The following PBDC1 variants were observed in gnomAD, a reference collection of about 807,000 sequenced individuals.
PBDC1 encodes the protein protein PBDC1.
Under a neutral mutation model 12.0 loss-of-function variants are expected in PBDC1, and 3 were observed. The ratio of observed to expected loss-of-function variants is 0.25; its 90% CI spans 0.11 to 0.64. The LOEUF is 0.64. Ranked by LOEUF, PBDC1 falls within the 30% of genes least tolerant of loss-of-function variation. The probability of loss-of-function intolerance (pLI) is 0.84; values close to 1 mark genes in which losing one functional copy is unlikely to be tolerated. For synonymous variants in PBDC1, 64 were observed against 56.4 expected, an observed-to-expected ratio of 1.13 and a Z score of -0.60; for missense variants, 162 against 168.1, an observed-to-expected ratio of 0.96 and a Z score of 0.20.
At chrX:76,175,900 A>T (rs1924777337) in intron 4 of PBDC1, among the ~76,000 whole-genome samples, 1 of 111,277 alleles carries the variant, frequency 9.0e-6, no homozygotes, top group African/African-American at 3.3e-5. Context: ...TAGTATAGCC[A>T]GAAGGCTTGG....
Position 76,177,872 on chromosome X carries a change from C to CA in PBDC1, c.669dup (p.Glu224ArgfsTer7), listed in dbSNP as rs782574776. Reference sequence around the variant, plus strand: ...GAGGAGAAAAAGGGAAAGAAGCTGACAAAGAAATCAACAAAAGTGGTGAAA... The same window carrying CA: ...GAGGAGAAAAAGGGAAAGAAGCTGACAAAAGAAATCAACAAAAGTGGTGAAA... On this transcript the variant is annotated frameshift_variant, in exon 6 of 6. Coordinates refer to ENST00000373358, the MANE Select transcript of PBDC1 (RefSeq NM_016500.5). LOFTEE classifies it low-confidence loss of function (END_TRUNC). 2.5e-6 allele frequency: 3 copies of CA among 1,210,663 alleles called. No individual in the cohort carries two copies.
rs35893856 is a variant in PBDC1, at chrX:76,174,928, G to A, written c.135G>A (p.Gln45=). The part of the protein sequence containing the change: ...IEMAWAMRAM[Q]HAEVYYKLIS... ...TGGCTTGGGCCATGAGAGCAATGCAGCATGCTGAAGTCTATTACAAGGTGA... is the reference window on the plus strand; with the variant it reads ...TGGCTTGGGCCATGAGAGCAATGCAACATGCTGAAGTCTATTACAAGGTGA... The change falls in exon 3 of 6, where the codon CAG becomes CAA. Residue 45 remains glutamine (Q), a synonymous_variant. Coordinates refer to ENST00000373358, the MANE Select transcript of PBDC1 (RefSeq NM_016500.5). The A allele has an allele frequency of 6.2e-5, 74 of 1,202,444 alleles. No homozygotes were observed. The highest frequency in any genetic ancestry group is 7.1e-5 in the South Asian group (4 of 56,648).
chrX:76,173,527 G>C (rs1474701222), intron 1 of PBDC1, 58 bp from the exon 2 acceptor site: 2 of 942,055 alleles, frequency 2.1e-6, no homozygotes, highest in Admixed American at 5.3e-5. Context: ...CTGGCCTTGG[G>C]GGGAGCCACC....
intron 2 of PBDC1, 52 bp downstream of exon 2, chrX:76,173,702 T>G: frequency 8.3e-6 from 7 of 843,655 alleles, no homozygotes; most frequent in East Asian, 3.5e-5. Context: ...CTGGGATCTC[T>G]GCAGGACCTG....
chrX:76,175,992 G>A (rs1333180333), intron 4 of PBDC1, among the ~76,000 whole-genome samples: 3 of 111,317 alleles, frequency 2.7e-5, no homozygotes, highest in Admixed American at 9.5e-5. Flanking sequence ...ATGGGTAACT[G>A]GAAAACTTTT....
chrX:76,177,531 A>G (rs957421213), intron 5 of PBDC1, 85 bp from the exon 6 acceptor site: 15 of 918,445 alleles, frequency 1.6e-5, no homozygotes, highest in Middle Eastern at 5.8e-4. Context: ...AGCCCTGGTC[A>G]TCAGAGTGAG....
At chrX:76,173,271 A>T in intron 1 of PBDC1, 103 bp downstream of exon 1, 1 of 763,813 alleles carries the variant, frequency 1.3e-6, no homozygotes, top group South Asian at 2.8e-5. Context: ...CCCAGGCTGG[A>T]GTGCAGTGGT....
intron 5 of PBDC1, among the ~76,000 whole-genome samples, chrX:76,177,352 C>T (rs1307945907): frequency 2.7e-5 from 3 of 110,475 alleles, no homozygotes; most frequent in African/African-American, 9.9e-5. Flanking sequence ...ATTTTGAGAC[C>T]AGCCTGGGCA....
intron 4 of PBDC1, among the ~76,000 whole-genome samples, chrX:76,175,986 G>A (rs1239114966): frequency 9.0e-6 from 1 of 111,383 alleles, no homozygotes; most frequent in African/African-American, 3.3e-5. Flanking sequence ...CAGGCCATGG[G>A]TAACTGGAAA....
chrX:76,177,008 C>G lies in PBDC1; in HGVS notation c.409+16C>G. On this transcript the variant is annotated intron_variant, in intron 5 of 5. Transcript: ENST00000373358. ...ACCATCTTTGGTGAGTTTCTTCCCTCTGGAATTGTTTCTGTGTAAGGAGAC... is the reference window on the plus strand; with the variant it reads ...ACCATCTTTGGTGAGTTTCTTCCCTGTGGAATTGTTTCTGTGTAAGGAGAC... 9.2e-7 allele frequency: 1 copy of G among 1,090,297 alleles called. No individual in the cohort carries two copies. Among genetic ancestry groups the G allele is most frequent in the Non-Finnish European group, 1.3e-6 (1 of 785,439 alleles). The allele number at this position is 1,090,297 out of a possible 1,213,427, so 89.9% of individuals were successfully genotyped here.
At chrX:76,175,417 A>G (rs1421424741) in intron 3 of PBDC1, 56 bp from the exon 4 acceptor site, 1 of 1,119,248 alleles carries the variant, frequency 8.9e-7, no homozygotes, top group Non-Finnish European at 1.2e-6. Flanking sequence ...GATGGGGAAG[A>G]TAGAAGTATA....
chrX:76,175,440 C>T, intron 3 of PBDC1, 33 bp from the exon 4 acceptor site: 1 of 1,180,155 alleles, frequency 8.5e-7, no homozygotes, highest in Non-Finnish European at 1.2e-6. Context: ...AAATTACAGA[C>T]TAGCATCTGT....
chrX:76,174,388 CTTA>C (rs1556796719), intron 2 of PBDC1, among the ~76,000 whole-genome samples: 2 of 111,860 alleles, frequency 1.8e-5, no homozygotes, highest in African/African-American at 6.5e-5. Context: ...CTTGGTAAGA[CTTA>C]TTATAACCTT....
Position 76,174,931 on chromosome X carries a change from T to C in PBDC1, c.138T>C (p.His46=), listed in dbSNP as rs782666733. The change falls in exon 3 of 6, where the codon CAT becomes CAC. Residue 46 remains histidine, a synonymous_variant. Transcript: ENST00000373358. ...EMAWAMRAMQ[H]AEVYYKLISS... Reference sequence around the variant, plus strand: ...CTTGGGCCATGAGAGCAATGCAGCATGCTGAAGTCTATTACAAGGTGAGTT... The same window carrying C: ...CTTGGGCCATGAGAGCAATGCAGCACGCTGAAGTCTATTACAAGGTGAGTT... The C allele has an allele frequency of 8.3e-7, 1 of 1,203,743 alleles. No homozygotes were observed. Among genetic ancestry groups the C allele is most frequent in the Non-Finnish European group, 1.1e-6 (1 of 887,784 alleles).
rs1556797102 is a variant in PBDC1, at chrX:76,177,714, G to T, written c.508G>T (p.Gly170Ter). 8.3e-7 allele frequency: 1 copy of T among 1,209,000 alleles called. No individual in the cohort carries two copies. The highest frequency in any genetic ancestry group is 1.1e-6 in the Non-Finnish European group (1 of 894,527). Residue 170 changes from glycine to a stop codon, truncating the protein, a stop_gained, in exon 6 of 6, where the codon GGA (glycine) becomes TGA (stop). Coordinates refer to ENST00000373358, the MANE Select transcript of PBDC1 (RefSeq NM_016500.5). LOFTEE classifies it low-confidence loss of function (END_TRUNC). ...TGTTCAGGACAAAGAAGGAGAGAAA[G>T]GAGTCAACAATGGAGGAGAAAAAAG... ...ISVQDKEGEK[G>*]VNNGGEKRAD...
Position 76,174,891 on chromosome X carries a change from C to T in PBDC1, c.98C>T (p.Pro33Leu), listed in dbSNP as rs1556796783. The T allele has an allele frequency of 8.3e-7, 1 of 1,206,967 alleles. No individual in the cohort carries two copies. The highest frequency in any genetic ancestry group is 3.0e-5 in the East Asian group (1 of 33,841). The change falls in exon 3 of 6, where the codon CCT becomes CTT. Residue 33 changes from proline (P) to leucine (L), a missense_variant and splice_region_variant. Around this residue, in one of 3 missense-constraint regions of PBDC1, gnomAD observed 41 missense variants for 28.5 expected, o/e 1.44. Transcript: ENST00000373358. ...SLPAESYGND[P>L]DIEMAWAMRA... is the part of the protein sequence containing the mutation. ...CTGGCATTCTTCACTCCTTTGCAGC[C>T]TGACATTGAGATGGCTTGGGCCATG...
Position 76,175,022 on chromosome X carries a change from A to C in PBDC1, c.156+73A>C, listed in dbSNP as rs782561451. ...AGTGTATGATGCTCTGCTTATCACT[A>C]TTCTCAGCAAGTTAAACAGTTGTGT... On this transcript the variant is annotated intron_variant, in intron 3 of 5. Transcript: ENST00000373358. 642 of 781,460 alleles carry C rather than the reference A, an allele frequency of 8.2e-4. 1 individual carries two copies. The highest frequency in any genetic ancestry group is 2.6e-3 in the South Asian group (116 of 45,016). 64.4% of individuals were successfully genotyped at this position (781,460 alleles called of 1,213,427 possible).
intron 3 of PBDC1, 81 bp downstream of exon 3, chrX:76,175,030 C>A (rs782193395): frequency 8.3e-5 from 63 of 758,088 alleles, no homozygotes; most frequent in Non-Finnish European, 1.2e-4. Flanking sequence ...CTATTCTCAG[C>A]AAGTTAAACA....
chrX:76,177,019 T>C (rs1924811086), intron 5 of PBDC1, 27 bp downstream of exon 5: 1 of 1,023,460 alleles, frequency 9.8e-7, no homozygotes, highest in Non-Finnish European at 1.4e-6. Flanking sequence ...TGGAATTGTT[T>C]CTGTGTAAGG....
Sources: gnomAD v4.1 joint callset for allele counts (sites outside exome capture counted in the v4.1 genomes callset) on GRCh38, gnomAD v4.1.1 for gene constraint, gnomAD v4.1.1 regional missense constraint, MANE v1.5 for transcripts, NCBI Gene and HGNC (gene_info 2026-07-23, HGNC 2026-07-21) for gene names.